PARD3: variants seen among roughly 807,000 people sequenced by gnomAD.
The protein encoded by PARD3 is par-3 family cell polarity regulator.
Under a neutral mutation model 155.4 loss-of-function variants are expected in PARD3, and 75 were observed. The observed-to-expected ratio is 0.48, with a 90% CI of 0.40 to 0.58. The LOEUF (loss-of-function observed/expected upper bound fraction) is 0.58, where lower values mean the gene tolerates loss of function less well. Ranked by LOEUF, PARD3 falls within the 20% of genes least tolerant of loss-of-function variation. The pLI, the probability that PARD3 is intolerant of heterozygous loss-of-function variation, is 0.00. For missense variants in PARD3, 1,642 were observed against 1,721.7 expected (o/e 0.95, Z 0.82); for synonymous variants, 576 against 610.5 (o/e 0.94, Z 0.83).
intron 14 of PARD3, among the ~76,000 whole-genome samples, chr10:34,358,603 G>A (rs887737802): frequency 6.6e-6 from 1 of 152,172 alleles, no homozygotes; most frequent in African/African-American, 2.4e-5. Flanking sequence ...TGAGGCAGGA[G>A]AATCCCTTGA....
At chr10:34,748,679 G>A (rs12262922) in intron 1 of PARD3, among the ~76,000 whole-genome samples, 10,135 of 151,912 alleles carry the variant, frequency 0.067, 1,122 homozygotes, top group African/African-American at 0.23. Flanking sequence ...ACCAGCAAAA[G>A]CCTGGCTCAC....
rs1466134955 is a variant in PARD3 at position 34,119,646 on chromosome 10, T to C, written c.3635A>G (p.Gln1212Arg). Residue 1212 changes from glutamine to arginine, a missense_variant, in exon 24 of 25, where the codon CAG becomes CGG. This residue lies in a region of PARD3 where 1,529 missense variants were observed against 1,587.3 expected (regional missense o/e 0.96). Coordinates refer to ENST00000374788, the MANE Select transcript of PARD3 (RefSeq NM_001184785.2). ...AGAGCTGTACTGGCGCTGGGCCTGC[T>C]GGGAGCTCTCGCGCTCCTCCTGCCG... is the stretch of plus-strand genomic sequence containing the variant. ...RQRQEERESS[Q>R]QAQRQYSSLP... 1 of 1,611,228 alleles carries C rather than the reference T, an allele frequency of 6.2e-7. No homozygotes were observed. The highest frequency in any genetic ancestry group is 1.7e-5 in the Admixed American group (1 of 59,862).
chr10:34,777,587 G>T (rs1163956765), intron 1 of PARD3, among the ~76,000 whole-genome samples: 1 of 152,148 alleles, frequency 6.6e-6, no homozygotes, highest in South Asian at 2.1e-4. Context: ...ACCCAGGCTG[G>T]AATACAGTGG....
chr10:34,804,047 T>G (rs1219131422), intron 1 of PARD3, among the ~76,000 whole-genome samples: 2 of 151,418 alleles, frequency 1.3e-5, no homozygotes, highest in Non-Finnish European at 3.0e-5. Context: ...TTTTTTTTTT[T>G]TTTTGAGATG....
intron 22 of PARD3, among the ~76,000 whole-genome samples, chr10:34,248,402 T>C (rs1406437257): frequency 6.6e-6 from 1 of 152,222 alleles, no homozygotes; most frequent in Admixed American, 6.5e-5. Flanking sequence ...TATCAGAAAT[T>C]GAATCTGTTT....
At chr10:34,673,123 A>T (rs2093638370) in intron 2 of PARD3, among the ~76,000 whole-genome samples, 2 of 152,150 alleles carry the variant, frequency 1.3e-5, no homozygotes, top group Non-Finnish European at 2.9e-5. Flanking sequence ...GAAAAAAAAA[A>T]TCTTCATGGA....
At chr10:34,572,968 G>A (rs773902188) in intron 2 of PARD3, among the ~76,000 whole-genome samples, 3 of 151,962 alleles carry the variant, frequency 2.0e-5, no homozygotes, top group South Asian at 2.1e-4. Context: ...AGGTCTCAAC[G>A]TTGTCTACCT....
intron 24 of PARD3, among the ~76,000 whole-genome samples, chr10:34,118,379 C>A (rs754279410): frequency 2.6e-5 from 4 of 152,186 alleles, no homozygotes; most frequent in Non-Finnish European, 4.4e-5. Flanking sequence ...CAGGGTCTTG[C>A]TCTGTCACCC....
At chr10:34,363,478 G>A (rs1470435176) in intron 12 of PARD3, among the ~76,000 whole-genome samples, 2 of 152,166 alleles carry the variant, frequency 1.3e-5, no homozygotes, top group Non-Finnish European at 2.9e-5. Context: ...GACATAGACA[G>A]AAATTAATGC....
chr10:34,715,015 A>G (rs1794135722), intron 1 of PARD3, among the ~76,000 whole-genome samples: 1 of 148,254 alleles, frequency 6.7e-6, no homozygotes, highest in Admixed American at 6.8e-5. Context: ...CTCATGATAC[A>G]CCCACCTCAG....
At chr10:34,211,074 G>A (rs186970449) in intron 22 of PARD3, among the ~76,000 whole-genome samples, 177 of 152,264 alleles carry the variant, frequency 1.2e-3, no homozygotes, top group African/African-American at 4.1e-3. Context: ...CCGGGTTGAC[G>A]TGAGAATTGA....
chr10:34,569,618 C>T lies in PARD3; in HGVS notation c.223-52459G>A, dbSNP rs61841118. On this transcript the variant is annotated intron_variant, in intron 2 of 24. Coordinates refer to ENST00000374788, the MANE Select transcript of PARD3 (RefSeq NM_001184785.2). ...ATTTTTAGTAGAGACGGGGTTTCAC[C>T]GTGTTAGCCAGGATGATCTCCATCT... 5.8e-3 allele frequency among the ~76,000 whole-genome samples: 882 copies of T among 152,034 alleles called. 5 individuals are homozygous for T. The highest frequency in any genetic ancestry group is 9.0e-3 in the Admixed American group (137 of 15,252).
intron 1 of PARD3, among the ~76,000 whole-genome samples, chr10:34,721,533 TC>T (rs2094606114): frequency 6.6e-6 from 1 of 152,122 alleles, no homozygotes; most frequent in African/African-American, 2.4e-5. Flanking sequence ...CTCCAGAGCA[TC>T]CCCCAGGAGT....
chr10:34,464,534 T>C (rs149539746), intron 4 of PARD3, among the ~76,000 whole-genome samples: 2 of 152,288 alleles, frequency 1.3e-5, no homozygotes, highest in African/African-American at 4.8e-5. Context: ...TAATCAGAGA[T>C]GCCAACATAA....
intron 1 of PARD3, among the ~76,000 whole-genome samples, chr10:34,788,303 C>T (rs989128194): frequency 9.2e-5 from 14 of 152,120 alleles, no homozygotes; most frequent in Non-Finnish European, 1.9e-4. Context: ...ACCCAGAAAG[C>T]GCAGGACCAG....
chr10:34,243,868 T>C (rs982712526), intron 22 of PARD3, among the ~76,000 whole-genome samples: 7 of 152,226 alleles, frequency 4.6e-5, no homozygotes, highest in Non-Finnish European at 1.0e-4. Flanking sequence ...ATTAAATATA[T>C]GTATAATACT....
In PARD3 at chr10:34,306,888, A is replaced by C. The variant is rs537528650; in HGVS notation, c.3065+10219T>G. On this transcript the variant is annotated intron_variant, in intron 20 of 24. Transcript: ENST00000374788. The stretch of plus-strand genomic sequence containing the variant: ...ATACACTATTCACCGCTGATTCCAA[A>C]AGTATTTTTTTTTTTTGAGACGGAG... Among the ~76,000 whole-genome samples the C allele has an allele frequency of 2.0e-5, 3 of 151,918 alleles. No individual in the cohort carries two copies. In the East Asian group the frequency reaches 5.8e-4, roughly 29 times the overall value.
At position 34,137,714 on chromosome 10, in the gene PARD3, C is replaced by T. The variant is rs945798861; in HGVS notation, c.3420-6131G>A. ...GACTTCTACCATAACAAGAACATGC[C>T]CACAGTCTAAGAGACACATGGAGTG... On this transcript the variant is annotated intron_variant, in intron 22 of 24. Transcript: ENST00000374788. Among the ~76,000 whole-genome samples, 15 of 152,208 alleles carry T rather than the reference C, an allele frequency of 9.9e-5. No homozygotes were observed. The South Asian group carries it at 2.9e-3, about 30-fold the overall frequency.
intron 5 of PARD3, among the ~76,000 whole-genome samples, chr10:34,428,730 A>G (rs1222727947): frequency 1.3e-5 from 2 of 152,334 alleles, no homozygotes. Context: ...TTGCTAAATC[A>G]AATCACTGGT....
Sources: allele counts gnomAD v4.1 joint callset (sites outside exome capture counted in the v4.1 genomes callset), GRCh38; gene constraint gnomAD v4.1.1; regional missense constraint gnomAD v4.1.1; transcripts MANE v1.5; gene names NCBI Gene and HGNC (gene_info 2026-07-23, HGNC 2026-07-21).